Variants in GLI3 observed in about 807,000 individuals in gnomAD.
GLI3 encodes transcription activator GLI3.
In GLI3, 20 loss-of-function variants were observed where a neutral mutation model predicts 100.8. The observed-to-expected ratio is 0.20, with a 90% CI of 0.14 to 0.29. The LOEUF is 0.29. Ranked by LOEUF, GLI3 falls within the 10% of genes least tolerant of loss-of-function variation. The pLI is 1.00. For missense variants in GLI3, 2,040 were observed against 2,128.5 expected, an observed-to-expected ratio of 0.96 and a Z score of 0.82; for synonymous variants, 938 against 860.5, an observed-to-expected ratio of 1.09 and a Z score of -1.58.
At chr7:42,118,181 A>G in intron 3 of GLI3, 1 of 395,290 alleles carries the variant, frequency 2.5e-6, no homozygotes, top group South Asian at 1.4e-4. Flanking sequence ...AAATACACTC[A>G]AGGGCTTTTT....
At chr7:42,121,814 G>A (rs953585159) in intron 3 of GLI3, among the ~76,000 whole-genome samples, 1 of 152,208 alleles carries the variant, frequency 6.6e-6, no homozygotes, top group Non-Finnish European at 1.5e-5. Context: ...AATAAAACCA[G>A]AGAGCAGTAA....
intron 4 of GLI3, among the ~76,000 whole-genome samples, chr7:42,050,526 G>A (rs1204827319): frequency 1.3e-5 from 2 of 152,190 alleles, no homozygotes; most frequent in African/African-American, 4.8e-5. Context: ...TACCTTAGAA[G>A]GTACAGGGGA....
intron 2 of GLI3, among the ~76,000 whole-genome samples, chr7:42,211,565 T>G (rs111615664): frequency 6.6e-5 from 10 of 152,382 alleles, no homozygotes; most frequent in African/African-American, 2.4e-4. Context: ...TACATTGATG[T>G]AAGTTCCATT....
chr7:42,223,313 G>C lies in GLI3; in HGVS notation c.-42-18C>G, dbSNP rs2128702756. The stretch of plus-strand genomic sequence containing the variant: ...AAAATGCCCTAAAGAAAACAACAGA[G>C]CCATCAACTTTCCAAAATGGTGGAA... On this transcript the variant is annotated intron_variant, in intron 1 of 14. Transcript: ENST00000395925. 4.2e-6 allele frequency: 6 copies of C among 1,445,228 alleles called. No homozygotes were observed. Among genetic ancestry groups the C allele is most frequent in the Non-Finnish European group, 4.8e-6 (5 of 1,042,380 alleles). 89.5% of individuals were successfully genotyped at this position (1,445,228 alleles called of 1,614,324 possible). A position where few individuals can be genotyped will look rare whatever the true frequency, so the allele number is the denominator to read the frequency against.
chr7:42,204,709 C>T (rs1046721903), intron 2 of GLI3, among the ~76,000 whole-genome samples: 1 of 152,112 alleles, frequency 6.6e-6, no homozygotes, highest in African/African-American at 2.4e-5. Context: ...TCCCTAAATT[C>T]TGTCCCCAAC....
Position 42,108,941 on chromosome 7 carries a change from CT to C in GLI3, c.368-32085del, listed in dbSNP as rs558740312. 3.3e-3 allele frequency among the ~76,000 whole-genome samples: 499 copies of C among 152,234 alleles called. 1 individual carries two copies. Among genetic ancestry groups the C allele is most frequent in the South Asian group, 0.015 (72 of 4,818 alleles). ...CCTAACCTGAAACACCCTCCCACCC[CT>C]GTCTCTGAGAACTGGAAGTCTGACG... On this transcript the variant is annotated intron_variant, in intron 3 of 14. Transcript: ENST00000395925.
chr7:41,971,079 ACTCT>A (rs142463927), intron 13 of GLI3, among the ~76,000 whole-genome samples: 7,438 of 152,194 alleles, frequency 0.049, 260 homozygotes, highest in African/African-American at 0.094. Context: ...ACTTAATGTC[ACTCT>A]CTAAGACTCT....
At chr7:42,096,729 G>T (rs928146113) in intron 3 of GLI3, among the ~76,000 whole-genome samples, 1 of 152,190 alleles carries the variant, frequency 6.6e-6, no homozygotes, top group African/African-American at 2.4e-5. Context: ...TCAGAGCATG[G>T]AGAGTAAGCA....
chr7:42,068,088 C>T (rs1234876192), intron 4 of GLI3, among the ~76,000 whole-genome samples: 2 of 152,240 alleles, frequency 1.3e-5, no homozygotes, highest in African/African-American at 4.8e-5. Flanking sequence ...GCAGTTCCTG[C>T]CACTCTGACC....
At chr7:42,245,292 C>T (rs1788959785) in intron 1 of GLI3, among the ~76,000 whole-genome samples, 1 of 152,166 alleles carries the variant, frequency 6.6e-6, no homozygotes, top group African/African-American at 2.4e-5. Flanking sequence ...CCTGTAATCA[C>T]AGAATCACAG....
intron 3 of GLI3, among the ~76,000 whole-genome samples, chr7:42,087,052 G>A (rs1424231235): frequency 6.6e-6 from 1 of 152,096 alleles, no homozygotes; most frequent in African/African-American, 2.4e-5. Flanking sequence ...GGCAGAAGAG[G>A]CCCACTTATC....
chr7:42,023,248 C>CT (rs1788994411), intron 10 of GLI3, among the ~76,000 whole-genome samples: 1 of 152,184 alleles, frequency 6.6e-6, no homozygotes, highest in South Asian at 2.1e-4. Flanking sequence ...ATTACACTCT[C>CT]TATTGAAGAC....
Position 42,259,115 on chromosome 7 carries a change from A to T in GLI3, c.-43+4879T>A, listed in dbSNP as rs1562802873. Among the ~76,000 whole-genome samples, 4 of 152,208 alleles carry T rather than the reference A, an allele frequency of 2.6e-5. No homozygotes were observed. The South Asian group carries it at 8.3e-4, about 32-fold the overall frequency. ...TCAAATTACCCTAAACTTGTTCATC[A>T]TCTAGTTCCAAGCTTAGCTAAGGAA... On this transcript the variant is annotated intron_variant, in intron 1 of 2. Transcript: ENST00000678978.
At chr7:42,262,253 C>CT (rs1789152764) in intron 1 of GLI3, among the ~76,000 whole-genome samples, 2 of 143,088 alleles carry the variant, frequency 1.4e-5, no homozygotes, top group African/African-American at 2.6e-5. Flanking sequence ...TCCTTTCTTC[C>CT]TCCCTCCCTC....
Position 41,972,685 on chromosome 7 carries a change from C to A in GLI3, c.1813-58G>T. 7.1e-7 allele frequency: 1 copy of A among 1,416,258 alleles called. No individual in the cohort carries two copies. Among genetic ancestry groups the A allele is most frequent in the Non-Finnish European group, 9.8e-7 (1 of 1,016,952 alleles). The allele number at this position is 1,416,258 out of a possible 1,614,324, so 87.7% of individuals were successfully genotyped here. A position where few individuals can be genotyped will look rare whatever the true frequency, so the allele number is the denominator to read the frequency against. On this transcript the variant is annotated intron_variant, in intron 12 of 14. Coordinates refer to ENST00000395925, the MANE Select transcript of GLI3 (RefSeq NM_000168.6). This position sits in a 1 kb window ranked among gnomAD's most constrained non-coding sequence, Gnocchi z 4.4. ...TGTTATGAAAGAGACTATGCCCCAGCCCAAAAGTCCTTTATGGTTGCTCAT... is the reference window on the plus strand; with the variant it reads ...TGTTATGAAAGAGACTATGCCCCAGACCAAAAGTCCTTTATGGTTGCTCAT...
chr7:41,970,698 T>C (rs1787341138), intron 13 of GLI3, among the ~76,000 whole-genome samples: 1 of 152,188 alleles, frequency 6.6e-6, no homozygotes, highest in African/African-American at 2.4e-5. Context: ...AAATGACAAT[T>C]TTCTTGAGCT....
At chr7:42,207,003 C>T (rs1788169222) in intron 2 of GLI3, among the ~76,000 whole-genome samples, 1 of 152,116 alleles carries the variant, frequency 6.6e-6, no homozygotes, top group Admixed American at 6.5e-5. Context: ...CAACTGGATA[C>T]CACTGCATAG....
chr7:42,228,111 C>T (rs578231018), intron 1 of GLI3, among the ~76,000 whole-genome samples: 82 of 152,082 alleles, frequency 5.4e-4, no homozygotes, highest in African/African-American at 1.9e-3. Flanking sequence ...TTAGCGGGCG[C>T]GCCGGGCCCG....
intron 3 of GLI3, among the ~76,000 whole-genome samples, chr7:42,088,155 G>A (rs951836522): frequency 6.6e-5 from 10 of 152,294 alleles, no homozygotes; most frequent in Admixed American, 2.0e-4. Flanking sequence ...GCCACAAGCT[G>A]CACATTTTAC....
Sources: allele counts gnomAD v4.1 joint callset (sites outside exome capture counted in the v4.1 genomes callset), GRCh38; gene constraint gnomAD v4.1.1; non-coding constraint Gnocchi (gnomAD v3.1); transcripts MANE v1.5; gene names NCBI Gene and HGNC (gene_info 2026-07-23, HGNC 2026-07-21).